Variants in COL23A1 observed in about 807,000 individuals in gnomAD.
COL23A1 encodes the protein collagen type XXIII alpha 1 chain.
COL23A1 carries 97 observed loss-of-function variants against 99.3 expected under a neutral mutation model. The ratio of observed to expected loss-of-function variants is 0.98; its 90% CI spans 0.83 to 1.16. The LOEUF (loss-of-function observed/expected upper bound fraction) is 1.16. COL23A1 is among the 50% of genes most tolerant of loss of function. The pLI is 0.00. For synonymous variants in COL23A1, 320 were observed against 308.2 expected, an observed-to-expected ratio of 1.04 and a Z score of -0.40; for missense variants, 762 against 757.4, an observed-to-expected ratio of 1.01 and a Z score of -0.07.
intron 2 of COL23A1, among the ~76,000 whole-genome samples, chr5:178,334,419 G>GCGGCACCGGC (rs1760208350): frequency 6.6e-6 from 1 of 152,266 alleles, no homozygotes. Flanking sequence ...GGGCCACCGG[G>GCGGCACCGGC]CGGCACCGGC....
intron 2 of COL23A1, among the ~76,000 whole-genome samples, chr5:178,547,609 A>C (rs1260217953): frequency 0.011 from 33 of 3,018 alleles, no homozygotes; most frequent in African/African-American, 0.022. Context: ...CCACACACAC[A>C]CCCCCCACAC....
chr5:178,577,638 G>A (rs2113698579), intron 1 of COL23A1, among the ~76,000 whole-genome samples: 1 of 152,320 alleles, frequency 6.6e-6, no homozygotes, highest in East Asian at 1.9e-4. Context: ...TGGGGTCTCT[G>A]TACCAGCCCA....
chr5:178,314,202 T>C (rs2127616442), intron 2 of COL23A1, among the ~76,000 whole-genome samples: 1 of 142,606 alleles, frequency 7.0e-6, no homozygotes, highest in South Asian at 2.3e-4. Context: ...GCTCAACAAA[T>C]ACAGTTCATT....
At chr5:178,424,400 G>A (rs543841821) in intron 2 of COL23A1, among the ~76,000 whole-genome samples, 173 of 152,356 alleles carry the variant, frequency 1.1e-3, no homozygotes, top group Middle Eastern at 3.4e-3. Context: ...ACGCACACAC[G>A]GAACAGCCAG....
chr5:178,536,738 T>C (rs60819468), intron 2 of COL23A1, among the ~76,000 whole-genome samples: 24,659 of 152,172 alleles, frequency 0.16, 2,456 homozygotes, highest in East Asian at 0.5. Context: ...ATGATGACCC[T>C]ACAGAGGCTC....
At chr5:178,554,175 TTTC>T (rs1314005660) in intron 2 of COL23A1, among the ~76,000 whole-genome samples, 6 of 151,608 alleles carry the variant, frequency 4.0e-5, no homozygotes, top group Non-Finnish European at 5.9e-5. Flanking sequence ...TATTTTTTCC[TTTC>T]TTCTTTTTTT....
At chr5:178,494,628 T>C (rs770458058) in intron 2 of COL23A1, among the ~76,000 whole-genome samples, 2 of 152,166 alleles carry the variant, frequency 1.3e-5, no homozygotes, top group Non-Finnish European at 2.9e-5. Context: ...TGAGCCGAGA[T>C]TGCACCATTG....
chr5:178,447,358 T>C (rs962137241), intron 2 of COL23A1, among the ~76,000 whole-genome samples: 3 of 152,214 alleles, frequency 2.0e-5, no homozygotes, highest in Non-Finnish European at 4.4e-5. Flanking sequence ...CCTTCCAAAG[T>C]GCCCAACCAC....
At chr5:178,390,543 G>C (rs1055998991) in intron 2 of COL23A1, among the ~76,000 whole-genome samples, 2 of 152,232 alleles carry the variant, frequency 1.3e-5, no homozygotes, top group Non-Finnish European at 2.9e-5. Flanking sequence ...CAGCACAATA[G>C]AGACCCCTGC....
At chr5:178,502,190 GGC>G (rs1196375021) in intron 2 of COL23A1, among the ~76,000 whole-genome samples, 2 of 152,328 alleles carry the variant, frequency 1.3e-5, no homozygotes, top group Middle Eastern at 3.4e-3. Flanking sequence ...GGAGTGCAGT[GGC>G]GTGATCTCGG....
At chr5:178,453,079 A>T (rs1767579364) in intron 2 of COL23A1, among the ~76,000 whole-genome samples, 1 of 152,174 alleles carries the variant, frequency 6.6e-6, no homozygotes, top group African/African-American at 2.4e-5. Flanking sequence ...CGGCGAGAAA[A>T]ACCAATGAAG....
rs773091825 is a variant in COL23A1, at chr5:178,308,500, G to T, written c.362-1581C>A. Among the ~76,000 whole-genome samples the T allele has an allele frequency of 1.3e-5, 2 of 152,172 alleles. No individual in the cohort carries two copies. Among genetic ancestry groups the T allele is most frequent in the Non-Finnish European group, 2.9e-5 (2 of 68,040 alleles). On this transcript the variant is annotated intron_variant, in intron 2 of 28. Coordinates refer to ENST00000390654, the MANE Select transcript of COL23A1 (RefSeq NM_173465.4). This position sits in a 1 kb window ranked among gnomAD's most constrained non-coding sequence, Gnocchi z 5.1. Reference sequence around the variant, plus strand: ...TGCTGGAATTGCCAGGGGCTGTGTTGAGCTGGTGAGGCTAGGACTCTGGGA... The same window carrying T: ...TGCTGGAATTGCCAGGGGCTGTGTTTAGCTGGTGAGGCTAGGACTCTGGGA...
chr5:178,579,450 G>A (rs1309306373), intron 1 of COL23A1, among the ~76,000 whole-genome samples: 3 of 152,270 alleles, frequency 2.0e-5, no homozygotes, highest in Middle Eastern at 3.4e-3. Flanking sequence ...CCTCAAGGCT[G>A]AAGTCTTTGT....
At chr5:178,539,330 T>G (rs1161859494) in intron 2 of COL23A1, among the ~76,000 whole-genome samples, 1 of 152,106 alleles carries the variant, frequency 6.6e-6, no homozygotes, top group African/African-American at 2.4e-5. Flanking sequence ...ATGGATCACC[T>G]GAGGTCAGGA....
At chr5:178,510,072 T>C (rs1341675231) in intron 2 of COL23A1, among the ~76,000 whole-genome samples, 1 of 152,236 alleles carries the variant, frequency 6.6e-6, no homozygotes, top group Non-Finnish European at 1.5e-5. Flanking sequence ...TCCTTGTGTC[T>C]CTACAGTTAA....
Position 178,468,384 on chromosome 5 carries a change from G to A in COL23A1, c.361+92298C>T, listed in dbSNP as rs893344498. 1.3e-5 allele frequency among the ~76,000 whole-genome samples: 2 copies of A among 152,328 alleles called. No homozygotes were observed. Among genetic ancestry groups the A allele is most frequent in the African/African-American group, 4.8e-5 (2 of 41,570 alleles). Reference sequence around the variant, plus strand: ...GAAGCCAGCACGTGGGTCAAAGGGCGATGGACTGGGCTAGGGGTCAGTGTG... The same window carrying A: ...GAAGCCAGCACGTGGGTCAAAGGGCAATGGACTGGGCTAGGGGTCAGTGTG... On this transcript the variant is annotated intron_variant, in intron 2 of 28. Transcript: ENST00000390654. The surrounding 1 kb of genome is among the most constrained non-coding windows in gnomAD (Gnocchi z 4.2).
Position 178,544,446 on chromosome 5 carries a change from C to A in COL23A1, c.361+16236G>T, listed in dbSNP as rs572784726. Among the ~76,000 whole-genome samples the A allele has an allele frequency of 6.6e-6, 1 of 152,164 alleles. No individual in the cohort carries two copies. Among genetic ancestry groups the A allele is most frequent in the African/African-American group, 2.4e-5 (1 of 41,450 alleles). The stretch of plus-strand genomic sequence containing the variant: ...AAATTAAGCCCAAGACCTGCCATGG[C>A]GGTGGGGAGCAGTCTCCCTCAGATG... On this transcript the variant is annotated intron_variant, in intron 2 of 28. Coordinates refer to ENST00000390654, the MANE Select transcript of COL23A1 (RefSeq NM_173465.4). This position sits in a 1 kb window ranked among gnomAD's most constrained non-coding sequence, Gnocchi z 4.4.
At chr5:178,238,988 G>A (rs1764250865) in intron 28 of COL23A1, among the ~76,000 whole-genome samples, 153 bp downstream of exon 28, 1 of 152,180 alleles carries the variant, frequency 6.6e-6, no homozygotes, top group Non-Finnish European at 1.5e-5. Flanking sequence ...CAAAACCAGG[G>A]TCATGATGGG....
chr5:178,313,041 G>A lies in COL23A1; in HGVS notation c.362-6122C>T, dbSNP rs1165502091. ...AGAGGAAGGAGTTCCTGCGCACGCT[G>A]CAGCATGATGGGCCTGGAGGACGTC... is the stretch of plus-strand genomic sequence containing the variant. On this transcript the variant is annotated intron_variant, in intron 2 of 28. Coordinates refer to ENST00000390654, the MANE Select transcript of COL23A1 (RefSeq NM_173465.4). The surrounding 1 kb of genome is among the most constrained non-coding windows in gnomAD (Gnocchi z 4.2). 6.6e-6 allele frequency among the ~76,000 whole-genome samples: 1 copy of A among 152,216 alleles called. No individual in the cohort carries two copies. Among genetic ancestry groups the A allele is most frequent in the Non-Finnish European group, 1.5e-5 (1 of 68,038 alleles).
Sources: gnomAD v4.1 joint callset for allele counts (sites outside exome capture counted in the v4.1 genomes callset) on GRCh38, gnomAD v4.1.1 for gene constraint, Gnocchi (gnomAD v3.1) non-coding constraint, MANE v1.5 for transcripts, NCBI Gene and HGNC (gene_info 2026-07-23, HGNC 2026-07-21) for gene names.